Variants in DLG1 observed in about 807,000 individuals in gnomAD.
DLG1 encodes the protein discs large MAGUK scaffold protein 1, also known as disks large homolog 1.
Under a neutral mutation model 123.4 loss-of-function variants are expected in DLG1, and 42 were observed. That is an observed-to-expected ratio of 0.34 (90% CI 0.27 to 0.44). The LOEUF is 0.44. Ranked by LOEUF, DLG1 falls within the 20% of genes least tolerant of loss-of-function variation. DLG1 has a pLI of 1.00. For synonymous variants in DLG1, 317 were observed against 356.2 expected, an observed-to-expected ratio of 0.89 and a Z score of 1.24; for missense variants, 942 against 1,082.6, an observed-to-expected ratio of 0.87 and a Z score of 1.82.
At chr3:197,065,128 T>G (rs1738671333) in intron 22 of DLG1, 148 bp downstream of exon 22, 15 of 664,668 alleles carry the variant, frequency 2.3e-5, no homozygotes, top group Non-Finnish European at 3.4e-5. Context: ...GTATGCACTT[T>G]CCTAAGCCAT....
At chr3:197,059,862 G>T in intron 23 of DLG1, 27 bp downstream of exon 23, 1 of 1,466,248 alleles carries the variant, frequency 6.8e-7, no homozygotes, top group Non-Finnish European at 9.6e-7. Flanking sequence ...TGTACACAGA[G>T]GCTATGCCTT....
At chr3:197,101,699 T>TA (rs979295499) in intron 14 of DLG1, among the ~76,000 whole-genome samples, 2 of 152,106 alleles carry the variant, frequency 1.3e-5, no homozygotes, top group Admixed American at 1.3e-4. Context: ...AAGAGATTCT[T>TA]AAACTATAGG....
chr3:197,206,899 C>T lies in DLG1; in HGVS notation c.319-12310G>A, dbSNP rs138321102. ...CAATAAAAGATTTCAGTTAGGTATC[C>T]AGGTAGAAAATGAATATATAGATAT... On this transcript the variant is annotated intron_variant, in intron 4 of 24. Transcript: ENST00000667157. 2.4e-4 allele frequency among the ~76,000 whole-genome samples: 36 copies of T among 152,192 alleles called. No homozygotes were observed. The East Asian group carries it at 6.6e-3, about 28-fold the overall frequency.
chr3:197,143,457 C>T (rs1008008128), intron 6 of DLG1, among the ~76,000 whole-genome samples: 5 of 152,026 alleles, frequency 3.3e-5, no homozygotes, highest in Non-Finnish European at 7.4e-5. Context: ...GGGGTTTCAC[C>T]GTGTTAGCCA....
At chr3:197,118,177 G>A (rs1044803166) in intron 12 of DLG1, among the ~76,000 whole-genome samples, 9 of 152,040 alleles carry the variant, frequency 5.9e-5, no homozygotes, top group Admixed American at 2.0e-4. Context: ...CAGTAATCAA[G>A]GTGCAAATAT....
chr3:197,277,965 C>A (rs1274797829), intron 4 of DLG1, among the ~76,000 whole-genome samples: 1 of 151,710 alleles, frequency 6.6e-6, no homozygotes, highest in African/African-American at 2.4e-5. Flanking sequence ...CATAGTGAGA[C>A]CCAGTCTTCA....
chr3:197,172,707 GC>G (rs1310411373), intron 5 of DLG1, among the ~76,000 whole-genome samples: 2 of 152,084 alleles, frequency 1.3e-5, no homozygotes, highest in Non-Finnish European at 2.9e-5. Flanking sequence ...GTGTTTCTGG[GC>G]AGCCACCACC....
intron 4 of DLG1, among the ~76,000 whole-genome samples, chr3:197,236,537 T>C (rs1182078177): frequency 6.6e-6 from 1 of 152,204 alleles, no homozygotes; most frequent in African/African-American, 2.4e-5. Flanking sequence ...TGGCTGGCCC[T>C]ACATTGCCTA....
intron 11 of DLG1, among the ~76,000 whole-genome samples, chr3:197,125,381 CT>C (rs1778507144): frequency 6.6e-6 from 1 of 152,172 alleles, no homozygotes; most frequent in Non-Finnish European, 1.5e-5. Flanking sequence ...CAGAGTTTGC[CT>C]GCACCAGTGT....
At chr3:197,137,186 C>T (rs2149611047) in intron 9 of DLG1, among the ~76,000 whole-genome samples, 1 of 152,146 alleles carries the variant, frequency 6.6e-6, no homozygotes, top group African/African-American at 2.4e-5. Flanking sequence ...CAGATAATTT[C>T]TCAGCTCTCC....
intron 11 of DLG1, among the ~76,000 whole-genome samples, chr3:197,121,513 T>A (rs1236024571): frequency 6.6e-6 from 1 of 152,058 alleles, no homozygotes; most frequent in Non-Finnish European, 1.5e-5. Flanking sequence ...ATATATACTG[T>A]AAAAAACAGG....
chr3:197,053,026 T>TA (rs1729016242), intron 23 of DLG1, among the ~76,000 whole-genome samples: 1 of 152,242 alleles, frequency 6.6e-6, no homozygotes. Context: ...CACAGTGATG[T>TA]ACACAGACAA....
intron 16 of DLG1, among the ~76,000 whole-genome samples, chr3:197,081,554 T>C (rs1751131657): frequency 6.6e-6 from 1 of 152,372 alleles, no homozygotes; most frequent in East Asian, 1.9e-4. Flanking sequence ...ACGTTCACTG[T>C]ATATTGCCGT....
intron 4 of DLG1, among the ~76,000 whole-genome samples, chr3:197,207,443 C>T (rs1279541506): frequency 1.3e-5 from 2 of 149,126 alleles, no homozygotes; most frequent in African/African-American, 5.0e-5. Flanking sequence ...CTAAGTTTAT[C>T]TATACTTTTA....
intron 3 of DLG1, among the ~76,000 whole-genome samples, chr3:197,289,369 A>ACAC (rs1560175311): frequency 2.0e-5 from 2 of 98,380 alleles, no homozygotes; most frequent in African/African-American, 7.0e-5. Flanking sequence ...CACACACACA[A>ACAC]ATAACATTCC....
Position 197,211,579 on chromosome 3 carries a change from G to C in DLG1, c.319-16990C>G, listed in dbSNP as rs2150403671. On this transcript the variant is annotated intron_variant, in intron 4 of 24. Coordinates refer to ENST00000667157, the MANE Select transcript of DLG1 (RefSeq NM_001366207.1). ...GAGATACCATCTCCCACCTGTCAGA[G>C]TGGTTATTATTAAAAAGTCAAAAAA... Among the ~76,000 whole-genome samples the C allele has an allele frequency of 1.4e-5, 2 of 146,172 alleles. 1 individual carries two copies. Among genetic ancestry groups the C allele is most frequent in the South Asian group, 5.2e-4 (2 of 3,828 alleles).
At chr3:197,234,069 T>C (rs1159047156) in intron 4 of DLG1, among the ~76,000 whole-genome samples, 1 of 152,104 alleles carries the variant, frequency 6.6e-6, no homozygotes. Flanking sequence ...CGCCAATGAG[T>C]CTCATCTTAT....
intron 14 of DLG1, among the ~76,000 whole-genome samples, chr3:197,091,762 C>A (rs1757849891): frequency 6.6e-6 from 1 of 152,038 alleles, no homozygotes; most frequent in Non-Finnish European, 1.5e-5. Flanking sequence ...GTTATAAACA[C>A]ATATCTTTTT....
At chr3:197,088,855 G>A (rs953616594) in intron 15 of DLG1, among the ~76,000 whole-genome samples, 4 of 152,186 alleles carry the variant, frequency 2.6e-5, no homozygotes, top group African/African-American at 9.6e-5. Context: ...CAGAAGAAAG[G>A]AGGCAGCTCA....
Sources: gnomAD v4.1 joint callset for allele counts (sites outside exome capture counted in the v4.1 genomes callset) on GRCh38, gnomAD v4.1.1 for gene constraint, MANE v1.5 for transcripts, NCBI Gene and HGNC (gene_info 2026-07-23, HGNC 2026-07-21) for gene names.